The following NEMF variants were observed in gnomAD, a reference collection of about 807,000 sequenced individuals.
NEMF encodes the protein ribosome quality control complex subunit NEMF.
In NEMF, 89 loss-of-function variants were observed where a neutral mutation model predicts 162.2. The ratio of observed to expected loss-of-function variants is 0.55; its 90% confidence interval spans 0.46 to 0.65. NEMF has a LOEUF of 0.65. Among genes scored for constraint, NEMF ranks in the 30% least tolerant of loss-of-function variants. The probability of loss-of-function intolerance (pLI) is 0.00; values close to 1 mark genes in which losing one functional copy is unlikely to be tolerated. For synonymous variants in NEMF, 421 were observed against 404.5 expected, an observed-to-expected ratio of 1.04 and a Z score of -0.49; for missense variants, 1,133 against 1,261.9, an observed-to-expected ratio of 0.90 and a Z score of 1.55.
rs867119926 is a variant in NEMF, at chr14:49,793,405, G to A, written c.2619+2386C>T. Among the ~76,000 whole-genome samples, 10 of 152,176 alleles carry A rather than the reference G, an allele frequency of 6.6e-5. 1 individual carries two copies. Among genetic ancestry groups the A allele is most frequent in the African/African-American group, 1.7e-4 (7 of 41,440 alleles). On this transcript the variant is annotated intron_variant, in intron 26 of 32. Coordinates refer to ENST00000298310, the MANE Select transcript of NEMF (RefSeq NM_004713.6). ...TGAAAGTTTCAAAAATAGGTAGGGCGCAGTGGCTCAAGTCTGTAATCCCAA... is the reference window on the plus strand; with the variant it reads ...TGAAAGTTTCAAAAATAGGTAGGGCACAGTGGCTCAAGTCTGTAATCCCAA...
chr14:49,817,706 C>T (rs1891786722), intron 16 of NEMF, among the ~76,000 whole-genome samples: 1 of 152,156 alleles, frequency 6.6e-6, no homozygotes, highest in Non-Finnish European at 1.5e-5. Flanking sequence ...TATAAACTTT[C>T]TGCCAATATA....
intron 3 of NEMF, among the ~76,000 whole-genome samples, chr14:49,848,833 CAAAAAAAAAAA>C (rs36090515): frequency 2.5e-5 from 1 of 40,780 alleles, no homozygotes; most frequent in Admixed American, 2.8e-4. Context: ...GACTCCGTCT[CAAAAAAAAAAA>C]AAAAAAAAAA....
chr14:49,833,903 T>C (rs1892766338), intron 7 of NEMF, among the ~76,000 whole-genome samples: 1 of 152,226 alleles, frequency 6.6e-6, no homozygotes, highest in African/African-American at 2.4e-5. Context: ...TCCAGAGTTA[T>C]CCTGAACATT....
At chr14:49,819,782 G>A (rs1428936343) in intron 16 of NEMF, among the ~76,000 whole-genome samples, 1 of 152,134 alleles carries the variant, frequency 6.6e-6, no homozygotes, top group Non-Finnish European at 1.5e-5. Context: ...CTGAGGTAGA[G>A]CAATTGCATG....
At chr14:49,841,511 T>C (rs1253717476) in intron 4 of NEMF, among the ~76,000 whole-genome samples, 3 of 144,154 alleles carry the variant, frequency 2.1e-5, no homozygotes, top group Non-Finnish European at 4.5e-5. Flanking sequence ...GAGGTGGAGG[T>C]TGCAGTGAGC....
At chr14:49,832,335 T>A in intron 8 of NEMF, 58 bp from the exon 9 acceptor site, 4 of 143,772 alleles carry the variant, frequency 2.8e-5, no homozygotes, top group Non-Finnish European at 3.6e-5. Flanking sequence ...ATTTACTTCT[T>A]TTTTTTTTTT....
chr14:49,829,482 C>A, intron 11 of NEMF, 56 bp from the exon 12 acceptor site: 1 of 1,365,188 alleles, frequency 7.3e-7, no homozygotes, highest in Non-Finnish European at 1.0e-6. Context: ...CTCATGACAT[C>A]CCTCTCTTAC....
chr14:49,814,190 C>G, intron 17 of NEMF, 140 bp from the exon 18 acceptor site: 1 of 574,164 alleles, frequency 1.7e-6, no homozygotes, highest in Admixed American at 2.9e-5. Flanking sequence ...ACTTCTGCCC[C>G]CAAGGTTCAG....
At chr14:49,813,595 A>G (rs1471773933) in intron 18 of NEMF, among the ~76,000 whole-genome samples, 7 of 152,132 alleles carry the variant, frequency 4.6e-5, no homozygotes, top group East Asian at 1.9e-4. Flanking sequence ...TTAGCAGCAC[A>G]TATGTTTATA....
chr14:49,795,493 C>T (rs1227703597), intron 26 of NEMF, among the ~76,000 whole-genome samples: 1 of 152,120 alleles, frequency 6.6e-6, no homozygotes, highest in Non-Finnish European at 1.5e-5. Flanking sequence ...GAGCTAAATT[C>T]TCAATAAATA....
intron 18 of NEMF, among the ~76,000 whole-genome samples, chr14:49,813,493 T>C (rs1891573387): frequency 6.6e-6 from 1 of 152,184 alleles, no homozygotes; most frequent in Non-Finnish European, 1.5e-5. Context: ...GACTGAAAGT[T>C]GGGTATTAAA....
Position 49,828,907 on chromosome 14 carries a change from A to T in NEMF, c.1233-100T>A, listed in dbSNP as rs143251578. 54 of 1,267,384 alleles carry T rather than the reference A, an allele frequency of 4.3e-5. 1 individual carries two copies. In the East Asian group the frequency reaches 4.6e-4, roughly 11 times the overall value. The allele number at this position is 1,267,384 out of a possible 1,614,324, so 78.5% of individuals were successfully genotyped here. A position where few individuals can be genotyped will look rare whatever the true frequency, so the allele number is the denominator to read the frequency against. On this transcript the variant is annotated intron_variant, in intron 13 of 32. Transcript: ENST00000298310. ...AATTATAAATGGTTTACAGTACTGG[A>T]AGTTTCATTATTTATTTTAATCTAA...
At chr14:49,808,954 G>A (rs568079790) in intron 18 of NEMF, among the ~76,000 whole-genome samples, 2 of 152,066 alleles carry the variant, frequency 1.3e-5, no homozygotes, top group South Asian at 4.2e-4. Flanking sequence ...ATGTCACCAA[G>A]GAAATGCAAA....
chr14:49,816,086 C>T (rs1371877564), intron 16 of NEMF, among the ~76,000 whole-genome samples: 1 of 152,212 alleles, frequency 6.6e-6, no homozygotes, highest in Non-Finnish European at 1.5e-5. Flanking sequence ...GTATCCGTCT[C>T]AAGATTCTTT....
chr14:49,848,031 CAAAA>C (rs76205967), intron 3 of NEMF, among the ~76,000 whole-genome samples: 2 of 79,398 alleles, frequency 2.5e-5, no homozygotes, highest in African/African-American at 9.2e-5. Flanking sequence ...GACTCTGTCT[CAAAA>C]AAAAAAAAAA....
chr14:49,805,127 A>G (rs765995530), intron 19 of NEMF, among the ~76,000 whole-genome samples: 14 of 152,222 alleles, frequency 9.2e-5, no homozygotes, highest in Non-Finnish European at 2.1e-4. Flanking sequence ...CCACTTTTAT[A>G]ACAGCACTGA....
Position 49,788,596 on chromosome 14 carries a change from C to A in NEMF, c.2895+550G>T, listed in dbSNP as rs192209538. On this transcript the variant is annotated intron_variant, in intron 28 of 32. Transcript: ENST00000298310. ...TTTTTGAGATGGAGTCTCGCTCTGTCGCCCAGGCTGGAGTGCAGTGGCACA... is the reference window on the plus strand; with the variant it reads ...TTTTTGAGATGGAGTCTCGCTCTGTAGCCCAGGCTGGAGTGCAGTGGCACA... 7.6e-5 allele frequency among the ~76,000 whole-genome samples: 11 copies of A among 143,990 alleles called. No homozygotes were observed. In the South Asian group the frequency reaches 1.8e-3, roughly 23 times the overall value. The allele number at this position is 143,990 out of a possible 152,430, so 94.5% of individuals were successfully genotyped here.
Position 49,831,326 on chromosome 14 carries a change from C to T in NEMF, c.918G>A (p.Gln306=). The change falls in exon 11 of 33, where the codon CAG becomes CAA. Residue 306 remains glutamine, a synonymous_variant. Coordinates refer to ENST00000298310, the MANE Select transcript of NEMF (RefSeq NM_004713.6). ...GTTGTAAAGCTTTTAAGTCAATTTTCTGGCCTTCTATCTTGGAATAAAATT... is the reference window on the plus strand; with the variant it reads ...GTTGTAAAGCTTTTAAGTCAATTTTTTGGCCTTCTATCTTGGAATAAAATT... ...VDEFYSKIEG[Q]KIDLKALQQE... 6.2e-7 allele frequency: 1 copy of T among 1,602,262 alleles called. No homozygotes were observed.
Position 49,829,028 on chromosome 14 carries a change from A to C in NEMF, c.1232+26T>G, listed in dbSNP as rs768895006. 29 of 1,585,784 alleles carry C rather than the reference A, an allele frequency of 1.8e-5. No individual in the cohort carries two copies. In the African/African-American group the frequency reaches 3.8e-4, roughly 21 times the overall value. The stretch of plus-strand genomic sequence containing the variant: ...AATAACAAAATAAAGACAAGCATTA[A>C]CTGCTTGACTAAGAGTCAAACTTAC... On this transcript the variant is annotated intron_variant, in intron 13 of 32. Transcript: ENST00000298310.
Sources: gnomAD v4.1 joint callset for allele counts (sites outside exome capture counted in the v4.1 genomes callset) on GRCh38, gnomAD v4.1.1 for gene constraint, MANE v1.5 for transcripts, NCBI Gene and HGNC (gene_info 2026-07-23, HGNC 2026-07-21) for gene names.